Variants in RPP40 observed in about 807,000 individuals in gnomAD.
RPP40 encodes ribonuclease P/MRP subunit p40, also known as ribonuclease P protein subunit p40.
RPP40 carries 30 observed loss-of-function variants against 42.5 expected under a neutral mutation model. The observed-to-expected ratio is 0.71, with a 90% CI of 0.53 to 0.96. The LOEUF (loss-of-function observed/expected upper bound fraction) is 0.96. RPP40 is among the 40% of genes least tolerant of loss of function. The pLI is 0.00. For missense variants in RPP40, 426 were observed against 433.5 expected, an observed-to-expected ratio of 0.98 and a Z score of 0.15; for synonymous variants, 173 against 164.0, an observed-to-expected ratio of 1.05 and a Z score of -0.42.
intron 4 of RPP40, 116 bp downstream of exon 4, chr6:4,999,693 A>T (rs1413255458): frequency 4.7e-6 from 3 of 642,982 alleles, no homozygotes; most frequent in Non-Finnish European, 8.4e-6. Context: ...GAAGTTTGAC[A>T]GATTTTTTTT....
At chr6:4,992,925 C>T (rs967830811), downstream of RPP40, among the ~76,000 whole-genome samples, 1 of 152,178 alleles carries the variant, frequency 6.6e-6, no homozygotes, top group Non-Finnish European at 1.5e-5. Flanking sequence ...TAACTTATCA[C>T]ACTCTATCTT....
chr6:4,997,256 C>G (rs1007346234), intron 5 of RPP40, among the ~76,000 whole-genome samples: 10 of 152,314 alleles, frequency 6.6e-5, no homozygotes, highest in Middle Eastern at 3.4e-3. Flanking sequence ...AGGAGACTGG[C>G]AGGTGAGTGG....
intron 3 of RPP40, 55 bp downstream of exon 3, chr6:5,000,508 T>A (rs1396199854): frequency 4.8e-6 from 5 of 1,033,590 alleles, no homozygotes; most frequent in Middle Eastern, 2.8e-4. Flanking sequence ...TTTTTTTTTT[T>A]ACAGTATGCA....
chr6:5,002,013 A>G, intron 2 of RPP40, 88 bp downstream of exon 2: 1 of 1,226,466 alleles, frequency 8.2e-7, no homozygotes, highest in Non-Finnish European at 1.2e-6. Context: ...GCCCTGTTTG[A>G]AACAAAACAA....
intron 4 of RPP40, among the ~76,000 whole-genome samples, chr6:4,999,291 ATTTTTTTTTTT>A (rs145562587): frequency 0.056 from 4,696 of 84,524 alleles, 122 homozygotes; most frequent in Middle Eastern, 0.083. Context: ...AGTACTTGGA[ATTTTTTTTTTT>A]TTTTTTTTTT....
chr6:4,996,496 C>T (rs1759389192), intron 5 of RPP40, 76 bp from the exon 6 acceptor site: 1 of 1,329,220 alleles, frequency 7.5e-7, no homozygotes, highest in Non-Finnish European at 1.1e-6. Context: ...CCTGAACCCA[C>T]CCATTCCCAT....
chr6:4,999,291 ATTTTTTTTTT>A (rs145562587), intron 4 of RPP40, among the ~76,000 whole-genome samples: 3 of 84,280 alleles, frequency 3.6e-5, no homozygotes, highest in Non-Finnish European at 6.7e-5. Flanking sequence ...AGTACTTGGA[ATTTTTTTTTT>A]TTTTTTTTTT....
At chr6:4,989,261 A>G in the RPP40 span, among the ~76,000 whole-genome samples, 51 of 152,162 alleles carry the variant, frequency 3.4e-4, no homozygotes, top group African/African-American at 1.2e-3. Flanking sequence ...CACAAATCCT[A>G]TATCATTGAT....
Position 4,998,790 on chromosome 6 carries a change from T to C in RPP40, c.485A>G (p.Tyr162Cys), listed in dbSNP as rs1759457725. 6.6e-7 allele frequency: 1 copy of C among 1,513,892 alleles called. No individual in the cohort carries two copies. Among genetic ancestry groups the C allele is most frequent in the Non-Finnish European group, 9.0e-7 (1 of 1,109,956 alleles). 93.8% of individuals were successfully genotyped at this position (1,513,892 alleles called of 1,614,324 possible). The change falls in exon 5 of 8, where the codon TAT (tyrosine) becomes TGT (cysteine). Residue 162 changes from tyrosine (Y) to cysteine (C), a missense_variant. Transcript: ENST00000380051. ...TTTGAAAGACCAAGATATTCTTTCA[T>C]ACTTCTTAGAATCCAAGTTTAAGGA... ...ELSLNLDSKK[Y>C]ERISWSFKEK...
Position 5,002,095 on chromosome 6 carries a change from T to C in RPP40, c.268+6A>G. 6.2e-7 allele frequency: 1 copy of C among 1,610,216 alleles called. No individual in the cohort carries two copies. ...CTTGTTCACAGCCATTTCAGGTTTTTCTTACCTTTCTTTATAAAGGTACTG... is the reference window on the plus strand; with the variant it reads ...CTTGTTCACAGCCATTTCAGGTTTTCCTTACCTTTCTTTATAAAGGTACTG... On this transcript the variant is annotated splice_donor_region_variant and intron_variant, in intron 2 of 7. Coordinates refer to ENST00000380051, the MANE Select transcript of RPP40 (RefSeq NM_006638.4).
intron 2 of RPP40, chr6:5,001,057 T>C (rs988512577): frequency 4.6e-5 from 21 of 458,148 alleles, no homozygotes; most frequent in Non-Finnish European, 7.9e-5. Flanking sequence ...AAGTTTACTA[T>C]CATCAAGCAA....
downstream of RPP40, among the ~76,000 whole-genome samples, chr6:4,994,097 CT>C (rs529563583): frequency 3.1e-3 from 464 of 151,388 alleles, 6 homozygotes; most frequent in African/African-American, 0.011. Flanking sequence ...CCTTTAAGAA[CT>C]CTTATTTTGC....
At chr6:4,991,223 T>C (rs1759258293), downstream of RPP40, among the ~76,000 whole-genome samples, 1 of 152,228 alleles carries the variant, frequency 6.6e-6, no homozygotes, top group South Asian at 2.1e-4. Context: ...CTGCTATTGA[T>C]TTCTAATTTA....
downstream of RPP40, among the ~76,000 whole-genome samples, chr6:4,994,343 A>C (rs190288638): frequency 6.1e-3 from 928 of 152,142 alleles, 7 homozygotes; most frequent in African/African-American, 0.021. Flanking sequence ...ACATGTATAC[A>C]TATGTAACTA....
Position 4,996,215 on chromosome 6 carries a change from T to C in RPP40, c.758+7A>G, listed in dbSNP as rs1759374194. 3 of 1,612,988 alleles carry C rather than the reference T, an allele frequency of 1.9e-6. No homozygotes were observed. The highest frequency in any genetic ancestry group is 2.7e-5 in the African/African-American group (2 of 74,912). On this transcript the variant is annotated splice_region_variant and intron_variant, in intron 6 of 7. Coordinates refer to ENST00000380051, the MANE Select transcript of RPP40 (RefSeq NM_006638.4). ...CCCTGGAAGACACAGGGAGTTCAGA[T>C]ACCCACAGGTCGACATTACTGAAGA...
intron 5 of RPP40, among the ~76,000 whole-genome samples, chr6:4,996,731 A>T (rs1759395915): frequency 6.6e-6 from 1 of 152,220 alleles, no homozygotes; most frequent in Admixed American, 6.5e-5. Flanking sequence ...AGCATTCCTG[A>T]TGTATGAATA....
Position 4,995,023 on chromosome 6 carries a change from A to C in RPP40, c.*55T>G. ...TGGACACACAGACCTTTTACCATTAAGAAATCTGAAAGCAAGCGTAAATGT... is the reference window on the plus strand; with the variant it reads ...TGGACACACAGACCTTTTACCATTACGAAATCTGAAAGCAAGCGTAAATGT... On this transcript the variant is annotated 3_prime_UTR_variant, in exon 8 of 8. Coordinates refer to ENST00000380051, the MANE Select transcript of RPP40 (RefSeq NM_006638.4). The C allele has an allele frequency of 6.9e-7, 1 of 1,455,660 alleles. No individual in the cohort carries two copies. The highest frequency in any genetic ancestry group is 9.4e-7 in the Non-Finnish European group (1 of 1,061,074). 90.2% of individuals were successfully genotyped at this position (1,455,660 alleles called of 1,614,324 possible).
intron 3 of RPP40, 57 bp downstream of exon 3, chr6:5,000,506 T>TTACAGTA: frequency 9.6e-7 from 1 of 1,043,782 alleles, no homozygotes; most frequent in Non-Finnish European, 1.4e-6. Context: ...TTTTTTTTTT[T>TTACAGTA]TTACAGTATG....
At chr6:5,003,686 T>C in intron 1 of RPP40, 194 bp downstream of exon 1, 2 of 596,982 alleles carry the variant, frequency 3.4e-6, no homozygotes, top group Non-Finnish European at 5.3e-6. Flanking sequence ...ATCCTGGGAG[T>C]TGTAGTCCTG....
Sources: gnomAD v4.1 joint callset for allele counts (sites outside exome capture counted in the v4.1 genomes callset) on GRCh38, gnomAD v4.1.1 for gene constraint, MANE v1.5 for transcripts, NCBI Gene and HGNC (gene_info 2026-07-23, HGNC 2026-07-21) for gene names.